The following GPSM1 variants were observed in gnomAD, a reference collection of about 807,000 sequenced individuals.
GPSM1 encodes G protein-signaling modulator 1.
GPSM1 carries 48 observed loss-of-function variants against 70.5 expected under a neutral mutation model. That is an observed-to-expected ratio of 0.68 (90% confidence interval 0.54 to 0.87). GPSM1 has a LOEUF of 0.87. Among genes scored for constraint, GPSM1 ranks in the 40% least tolerant of loss-of-function variants. The pLI is 0.00. For synonymous variants in GPSM1, 416 were observed against 430.1 expected (o/e 0.97, Z 0.41); for missense variants, 981 against 972.6 (o/e 1.01, Z -0.11).
chr9:136,328,276 G>A (rs1185027724), intron 1 of GPSM1, among the ~76,000 whole-genome samples: 1 of 152,210 alleles, frequency 6.6e-6, no homozygotes, highest in Non-Finnish European at 1.5e-5. Flanking sequence ...CCAGTGACTG[G>A]GCTCTGTGCC....
rs2131422742 is a variant in GPSM1 at position 136,359,482 on chromosome 9, C to T, written c.*1262C>T. On this transcript the variant is annotated 3_prime_UTR_variant, in exon 14 of 14. Transcript: ENST00000440944. ...CCAGGACGTAGCGCCCCCCCGCATA[C>T]TTGAATGTATGTGCGTATTTATTGC... is the stretch of plus-strand genomic sequence containing the variant. 6.6e-6 allele frequency: 1 copy of T among 152,454 alleles called. No individual in the cohort carries two copies. Among genetic ancestry groups the T allele is most frequent in the South Asian group, 2.1e-4 (1 of 4,824 alleles). The allele number at this position is 152,454 out of a possible 1,614,324, so 9.4% of individuals were successfully genotyped here.
intron 11 of GPSM1, among the ~76,000 whole-genome samples, chr9:136,353,341 A>C (rs1318317993): frequency 1.3e-5 from 2 of 152,132 alleles, no homozygotes; most frequent in Non-Finnish European, 2.9e-5. Flanking sequence ...TCCGGGAAGG[A>C]GGGAGCCAGG....
intron 9 of GPSM1, among the ~76,000 whole-genome samples, chr9:136,348,375 C>A (rs1425612076): frequency 6.6e-6 from 1 of 152,206 alleles, no homozygotes; most frequent in Non-Finnish European, 1.5e-5. Context: ...GAGGGAACAG[C>A]AGGACTGACG....
At chr9:136,348,849 C>A in intron 10 of GPSM1, 82 bp downstream of exon 10, 2 of 1,020,772 alleles carry the variant, frequency 2.0e-6, no homozygotes, top group Non-Finnish European at 3.0e-6. Flanking sequence ...GAGCCACCGC[C>A]ACCCACCTCA....
rs1832396407 is a variant in GPSM1, at chr9:136,341,705, C to T, written c.1207+712C>T. 2.1e-5 allele frequency: 21 copies of T among 991,548 alleles called. No homozygotes were observed. The highest frequency in any genetic ancestry group is 2.5e-5 in the Non-Finnish European group (21 of 833,086). The allele number at this position is 991,548 out of a possible 1,614,324, so 61.4% of individuals were successfully genotyped here. ...GCCAGCCCCCGAGAAGGGATGCCTGCCTCCCAGAACGTACCTGGTGCCCCC... is the reference window on the plus strand; with the variant it reads ...GCCAGCCCCCGAGAAGGGATGCCTGTCTCCCAGAACGTACCTGGTGCCCCC... On this transcript the variant is annotated intron_variant, in intron 9 of 13. Coordinates refer to ENST00000440944, the MANE Select transcript of GPSM1 (RefSeq NM_001145638.3). The surrounding 1 kb of genome is among the most constrained non-coding windows in gnomAD (Gnocchi z 6.7).
chr9:136,328,517 G>A (rs782649478), intron 1 of GPSM1, among the ~76,000 whole-genome samples: 4 of 152,212 alleles, frequency 2.6e-5, no homozygotes, highest in Non-Finnish European at 5.9e-5. Flanking sequence ...CAGAGCGAGG[G>A]ACACTATTGT....
intron 11 of GPSM1, chr9:136,353,047 CT>C: frequency 9.2e-6 from 9 of 981,580 alleles, no homozygotes; most frequent in Non-Finnish European, 1.1e-5. Context: ...GCACTTGGCA[CT>C]TTGGGCAGGG....
chr9:136,343,128 C>T lies in GPSM1; in HGVS notation c.1207+2135C>T, dbSNP rs1465340030. Among the ~76,000 whole-genome samples, 1 of 152,176 alleles carries T rather than the reference C, an allele frequency of 6.6e-6. No homozygotes were observed. The highest frequency in any genetic ancestry group is 2.4e-5 in the African/African-American group (1 of 41,434). ...CCAGAAGTGTGTCTGGGGGTCACCA[C>T]CCTGCCAGCCACTGCCCTTGTCCAG... On this transcript the variant is annotated intron_variant, in intron 9 of 13. Transcript: ENST00000440944. The surrounding 1 kb of genome is among the most constrained non-coding windows in gnomAD (Gnocchi z 6.0).
At chr9:136,337,597 C>T (rs573454956) in intron 5 of GPSM1, 33 bp downstream of exon 5, 90 of 1,543,342 alleles carry the variant, frequency 5.8e-5, no homozygotes, top group Middle Eastern at 1.7e-4. Context: ...GTGGAGGGGC[C>T]GGGCTGCTGC....
intron 1 of GPSM1, among the ~76,000 whole-genome samples, chr9:136,330,971 G>T (rs1476809715): frequency 1.3e-5 from 2 of 152,150 alleles, no homozygotes; most frequent in Non-Finnish European, 2.9e-5. Flanking sequence ...AGGCCTCAAG[G>T]TAAGGAGGAG....
At chr9:136,339,841 C>T in intron 8 of GPSM1, 26 bp downstream of exon 8, 1 of 1,385,698 alleles carries the variant, frequency 7.2e-7, no homozygotes, top group South Asian at 1.2e-5. Flanking sequence ...CCCCAGAAGT[C>T]CCGGGCACTG....
chr9:136,339,688 TG>T lies in GPSM1; in HGVS notation c.975-17del. 1 of 1,515,280 alleles carries T rather than the reference TG, an allele frequency of 6.6e-7. No homozygotes were observed. The highest frequency in any genetic ancestry group is 9.0e-7 in the Non-Finnish European group (1 of 1,115,174). The allele number at this position is 1,515,280 out of a possible 1,614,324, so 93.9% of individuals were successfully genotyped here. On this transcript the variant is annotated intron_variant, in intron 7 of 13. Coordinates refer to ENST00000440944, the MANE Select transcript of GPSM1 (RefSeq NM_001145638.3). ...GGCCTGGAGAGGGCGGGTATGAATC[TG>T]GTCTCCCTCTCTGGCAGAGTGGGCG...
Position 136,327,743 on chromosome 9 carries a change from C to T in GPSM1, c.48C>T (p.Ala16=), listed in dbSNP as rs1554768061. The change falls in exon 1 of 14, where the codon GCC becomes GCT. Residue 16 remains alanine, a synonymous_variant. Coordinates refer to ENST00000440944, the MANE Select transcript of GPSM1 (RefSeq NM_001145638.3). The part of the protein sequence containing the change: ...PPAADELPGP[A]ARRLYSRMEA... ...CGGCCGACGAGCTCCCGGGCCCGGC[C>T]GCCAGGCGCCTCTACTCCAGGTAGG... The T allele has an allele frequency of 8.4e-7, 1 of 1,193,274 alleles. No individual in the cohort carries two copies. Among genetic ancestry groups the T allele is most frequent in the South Asian group, 3.8e-5 (1 of 26,032 alleles). 73.9% of individuals were successfully genotyped at this position (1,193,274 alleles called of 1,614,324 possible). A position where few individuals can be genotyped will look rare whatever the true frequency, so the allele number is the denominator to read the frequency against.
At chr9:136,336,160 C>T in intron 3 of GPSM1, 59 bp downstream of exon 3, 1 of 1,575,570 alleles carries the variant, frequency 6.3e-7, no homozygotes, top group South Asian at 1.1e-5. Context: ...GCGTCCAGAT[C>T]CGGGATAGGG....
rs539408727 is a variant in GPSM1, at chr9:136,343,705, C to A, written c.1207+2712C>A. On this transcript the variant is annotated intron_variant, in intron 9 of 13. Transcript: ENST00000440944. The surrounding 1 kb of genome is among the most constrained non-coding windows in gnomAD (Gnocchi z 6.0). The stretch of plus-strand genomic sequence containing the variant: ...GTCCCCATCTGGGGAACGGGCCCAT[C>A]AGTAGTGCTGGGAACAGAGCTTGGC... Among the ~76,000 whole-genome samples, 4 of 152,352 alleles carry A rather than the reference C, an allele frequency of 2.6e-5. No homozygotes were observed. In the South Asian group the frequency reaches 8.3e-4, roughly 32 times the overall value.
intron 11 of GPSM1, among the ~76,000 whole-genome samples, chr9:136,353,886 C>G (rs910037609): frequency 2.0e-5 from 3 of 152,198 alleles, no homozygotes; most frequent in African/African-American, 7.2e-5. Context: ...GCTGGCAACC[C>G]CAGTGCCACC....
chr9:136,330,396 C>T (rs782551840), intron 1 of GPSM1, among the ~76,000 whole-genome samples: 1 of 152,138 alleles, frequency 6.6e-6, no homozygotes, highest in Non-Finnish European at 1.5e-5. Flanking sequence ...CCCCTGTCCC[C>T]GTCCTGGGCA....
In GPSM1 at chr9:136,343,793, C is replaced by A. The variant is rs1012248107; in HGVS notation, c.1207+2800C>A. ...CTGTTGCGTTCGGGCCCTGGGTGGA[C>A]GAGGCAGGTGTGGCTGCAGCACCAT... On this transcript the variant is annotated intron_variant, in intron 9 of 13. Transcript: ENST00000440944. This position sits in a 1 kb window ranked among gnomAD's most constrained non-coding sequence, Gnocchi z 6.0. Among the ~76,000 whole-genome samples, 8 of 152,278 alleles carry A rather than the reference C, an allele frequency of 5.3e-5. No homozygotes were observed. Among genetic ancestry groups the A allele is most frequent in the Middle Eastern group, 3.4e-3 (1 of 294 alleles).
chr9:136,327,805 C>G, intron 1 of GPSM1, 42 bp downstream of exon 1: 2 of 825,928 alleles, frequency 2.4e-6, no homozygotes, highest in Non-Finnish European at 3.2e-6. Context: ...GGGCTGGGAC[C>G]GGACCGGGCC....
Sources: gnomAD v4.1 joint callset for allele counts (sites outside exome capture counted in the v4.1 genomes callset) on GRCh38, gnomAD v4.1.1 for gene constraint, Gnocchi (gnomAD v3.1) non-coding constraint, MANE v1.5 for transcripts, NCBI Gene and HGNC (gene_info 2026-07-23, HGNC 2026-07-21) for gene names.